The following IGSF21 variants were observed in gnomAD, a reference collection of about 807,000 sequenced individuals.
IGSF21 encodes immunoglobin superfamily member 21.
Under a neutral mutation model 46.8 loss-of-function variants are expected in IGSF21, and 28 were observed. The ratio of observed to expected loss-of-function variants is 0.60; its 90% CI spans 0.44 to 0.82. The LOEUF (loss-of-function observed/expected upper bound fraction) is 0.82. Ranked by LOEUF, IGSF21 falls within the 40% of genes least tolerant of loss-of-function variation. IGSF21 has a pLI of 0.00. For missense variants in IGSF21, 624 were observed against 665.5 expected (o/e 0.94, Z 0.69); for synonymous variants, 284 against 273.6 (o/e 1.04, Z -0.38).
chr1:18,188,263 C>A (rs1288790692), intron 1 of IGSF21, among the ~76,000 whole-genome samples: 3 of 152,220 alleles, frequency 2.0e-5, no homozygotes, highest in Non-Finnish European at 4.4e-5. Flanking sequence ...GGGATTAGAT[C>A]CCCTGCTGTG....
chr1:18,172,604 C>T (rs1445232370), intron 1 of IGSF21, among the ~76,000 whole-genome samples: 2 of 152,172 alleles, frequency 1.3e-5, no homozygotes, highest in Non-Finnish European at 2.9e-5. Flanking sequence ...TGAATCTTAT[C>T]CTCTTCTTAC....
chr1:18,216,323 G>T (rs562642266), intron 1 of IGSF21, among the ~76,000 whole-genome samples: 13 of 152,180 alleles, frequency 8.5e-5, no homozygotes, highest in African/African-American at 3.1e-4. Context: ...AGTTGGAGGG[G>T]CAAAGAGAGG....
chr1:18,361,828 C>G (rs1450413299), intron 4 of IGSF21: 2 of 318,552 alleles, frequency 6.3e-6, no homozygotes, highest in African/African-American at 4.3e-5. Context: ...ACTGATGCCT[C>G]CGGGGATCTG....
At chr1:18,343,998 C>A (rs1030733711) in intron 4 of IGSF21, among the ~76,000 whole-genome samples, 1 of 152,148 alleles carries the variant, frequency 6.6e-6, no homozygotes, top group African/African-American at 2.4e-5. Flanking sequence ...TACAGAAGGT[C>A]CTGGGGGTAA....
At chr1:18,357,054 T>A (rs983488782) in intron 4 of IGSF21, among the ~76,000 whole-genome samples, 1 of 148,678 alleles carries the variant, frequency 6.7e-6, no homozygotes, top group African/African-American at 2.5e-5. Flanking sequence ...GGGATGTGGA[T>A]GAGGATGGGA....
chr1:18,117,587 G>A (rs1557544240), intron 1 of IGSF21, among the ~76,000 whole-genome samples: 1 of 152,202 alleles, frequency 6.6e-6, no homozygotes, highest in Non-Finnish European at 1.5e-5. Flanking sequence ...AATACCAGGA[G>A]GCCATATGCA....
In IGSF21 at chr1:18,145,604, TG is replaced by T. The variant is rs578081163; in HGVS notation, c.70+37407del. On this transcript the variant is annotated intron_variant, in intron 1 of 9. Coordinates refer to ENST00000251296, the MANE Select transcript of IGSF21 (RefSeq NM_032880.5). ...AGGACACGAAGCACACACATCCTCT[TG>T]CCACAACAACACAGATGCAATAAAT... Among the ~76,000 whole-genome samples, 223 of 152,160 alleles carry T rather than the reference TG, an allele frequency of 1.5e-3. 1 individual carries two copies. Among genetic ancestry groups the T allele is most frequent in the Middle Eastern group, 6.8e-3 (2 of 294 alleles).
At chr1:18,344,798 C>T (rs1244376483) in intron 4 of IGSF21, among the ~76,000 whole-genome samples, 1 of 152,182 alleles carries the variant, frequency 6.6e-6, no homozygotes, top group Non-Finnish European at 1.5e-5. Context: ...GGAAAATGAT[C>T]AGCTCCTTCC....
chr1:18,287,280 CA>C (rs1168051451), intron 2 of IGSF21, among the ~76,000 whole-genome samples: 1 of 151,866 alleles, frequency 6.6e-6, no homozygotes, highest in Non-Finnish European at 1.5e-5. Context: ...CCTGTAGTCT[CA>C]ACTACTTGGG....
chr1:18,187,738 T>C (rs1453348467), intron 1 of IGSF21, among the ~76,000 whole-genome samples: 1 of 151,958 alleles, frequency 6.6e-6, no homozygotes, highest in African/African-American at 2.4e-5. Context: ...TACCTCCAAA[T>C]ACTGTCACAT....
intron 1 of IGSF21, among the ~76,000 whole-genome samples, chr1:18,116,078 G>A (rs928990372): frequency 3.9e-5 from 6 of 152,160 alleles, no homozygotes; most frequent in Admixed American, 2.0e-4. Context: ...TGGAGAGATT[G>A]TGTGACTTGC....
chr1:18,352,023 C>T (rs2085962418), intron 4 of IGSF21, among the ~76,000 whole-genome samples: 4 of 152,106 alleles, frequency 2.6e-5, no homozygotes, highest in Admixed American at 2.6e-4. Flanking sequence ...GACAAGTAGC[C>T]GATCAAGCCG....
chr1:18,182,169 G>T (rs960839676), intron 1 of IGSF21, among the ~76,000 whole-genome samples: 14 of 136,754 alleles, frequency 1.0e-4, no homozygotes, highest in Non-Finnish European at 1.1e-4. Flanking sequence ...CTTCTGAAAG[G>T]TGTCTTTTTT....
At chr1:18,205,578 A>G (rs2084310703) in intron 1 of IGSF21, among the ~76,000 whole-genome samples, 1 of 152,216 alleles carries the variant, frequency 6.6e-6, no homozygotes, top group South Asian at 2.1e-4. Context: ...TAATCGCAGA[A>G]TCAGCTTTGG....
intron 1 of IGSF21, among the ~76,000 whole-genome samples, chr1:18,177,825 T>C (rs1483523888): frequency 6.6e-6 from 1 of 152,012 alleles, no homozygotes; most frequent in South Asian, 2.1e-4. Context: ...TCAAAATATA[T>C]CCTATGGCAA....
intron 2 of IGSF21, among the ~76,000 whole-genome samples, chr1:18,229,011 T>A (rs1349417717): frequency 6.6e-6 from 1 of 152,164 alleles, no homozygotes; most frequent in Non-Finnish European, 1.5e-5. Context: ...TTCTTTTTAT[T>A]TTTTTTCAAT....
At chr1:18,115,506 C>T (rs1428162285) in intron 1 of IGSF21, 1 of 152,218 alleles carries the variant, frequency 6.6e-6, no homozygotes, top group Non-Finnish European at 1.5e-5. Flanking sequence ...TCCCCTGAGC[C>T]TGAGGTTTGG....
intron 3 of IGSF21, among the ~76,000 whole-genome samples, chr1:18,327,611 T>A (rs1476805697): frequency 6.6e-6 from 1 of 152,094 alleles, no homozygotes; most frequent in African/African-American, 2.4e-5. Flanking sequence ...AATCTCAAAA[T>A]AATGACAAGG....
At chr1:18,223,657 G>A (rs1285279751) in intron 1 of IGSF21, among the ~76,000 whole-genome samples, 1 of 152,192 alleles carries the variant, frequency 6.6e-6, no homozygotes, top group East Asian at 1.9e-4. Flanking sequence ...GATATTAATG[G>A]AATTCATATT....
Sources: allele counts gnomAD v4.1 joint callset (sites outside exome capture counted in the v4.1 genomes callset), GRCh38; gene constraint gnomAD v4.1.1; transcripts MANE v1.5; gene names NCBI Gene and HGNC (gene_info 2026-07-23, HGNC 2026-07-21).